Variants in FAM83A observed in about 807,000 individuals in gnomAD.
FAM83A encodes the protein protein FAM83A.
In FAM83A, 21 loss-of-function variants were observed where a neutral mutation model predicts 24.4. The ratio of observed to expected loss-of-function variants is 0.86; its 90% CI spans 0.61 to 1.24. The LOEUF is 1.24. FAM83A is among the 50% of genes most tolerant of loss of function. FAM83A has a pLI of 0.00. For synonymous variants in FAM83A, 270 were observed against 252.4 expected, an observed-to-expected ratio of 1.07 and a Z score of -0.66; for missense variants, 617 against 579.8, an observed-to-expected ratio of 1.06 and a Z score of -0.66.
intron 3 of FAM83A, among the ~76,000 whole-genome samples, chr8:123,200,513 G>A (rs1399217495): frequency 6.6e-6 from 1 of 152,174 alleles, no homozygotes; most frequent in Non-Finnish European, 1.5e-5. Context: ...ACTGGGCCAG[G>A]TGTGATCAGA....
intron 3 of FAM83A, chr8:123,202,799 G>A: frequency 6.6e-6 from 1 of 152,306 alleles, no homozygotes; most frequent in East Asian, 1.9e-4. Context: ...ACCACGCTGA[G>A]GTAAAGGATG....
chr8:123,194,105 T>C (rs918129523), exon 3 of FAM83A: 46 of 1,613,966 alleles, frequency 2.9e-5, no homozygotes, highest in Non-Finnish European at 3.8e-5. Context: ...CCGGGAGAAG[T>C]TCATCATCTC....
chr8:123,196,120 T>C (rs540492957), intron 3 of FAM83A, among the ~76,000 whole-genome samples: 5 of 152,358 alleles, frequency 3.3e-5, no homozygotes, highest in African/African-American at 1.2e-4. Flanking sequence ...CAAGTGATTC[T>C]CCTGCCTCAG....
At chr8:123,182,510 C>A (rs1346373227), upstream of FAM83A, 1 of 498,176 alleles carries the variant, frequency 2.0e-6, no homozygotes, top group South Asian at 1.6e-5. Flanking sequence ...CGAAACCCAG[C>A]AGGAAAGCCG....
chr8:123,201,688 G>A (rs1453036733), intron 3 of FAM83A: 1 of 152,188 alleles, frequency 6.6e-6, no homozygotes, highest in African/African-American at 2.4e-5. Context: ...GTTGTATATG[G>A]TTCTCCCAAA....
In FAM83A at chr8:123,191,401, G is replaced by T. The variant is rs572601048; in HGVS notation, c.481-402G>T. 3.3e-5 allele frequency among the ~76,000 whole-genome samples: 5 copies of T among 152,318 alleles called. 1 individual carries two copies. The East Asian group carries it at 9.6e-4, about 29-fold the overall frequency. On this transcript the variant is annotated intron_variant, in intron 1 of 3. Transcript: ENST00000690554. ...CAGCATTTGAAAATCAGTGGCCATA[G>T]TGTGCCCTCTAGCTCCAAGTGGCTG...
At chr8:123,186,911 T>C (rs1823818897) in intron 1 of FAM83A, among the ~76,000 whole-genome samples, 1 of 152,070 alleles carries the variant, frequency 6.6e-6, no homozygotes, top group South Asian at 2.1e-4. Flanking sequence ...GAGGGATCCT[T>C]CCCTCTGGGG....
At chr8:123,187,710 TG>T (rs1253882715) in intron 1 of FAM83A, among the ~76,000 whole-genome samples, 1 of 151,242 alleles carries the variant, frequency 6.6e-6, no homozygotes, top group Non-Finnish European at 1.5e-5. Context: ...ATTTTTAGAG[TG>T]GAAGGGGGTC....
At chr8:123,198,879 G>A (rs1362339508) in intron 3 of FAM83A, among the ~76,000 whole-genome samples, 1 of 152,128 alleles carries the variant, frequency 6.6e-6, no homozygotes, top group Non-Finnish European at 1.5e-5. Context: ...TGGAATTACA[G>A]GCGTGCACCA....
At chr8:123,198,963 C>A (rs1824254325) in intron 3 of FAM83A, among the ~76,000 whole-genome samples, 1 of 152,130 alleles carries the variant, frequency 6.6e-6, no homozygotes, top group African/African-American at 2.4e-5. Context: ...TGGTCTCGAA[C>A]TCTTGACCTC....
exon 4 of FAM83A, chr8:123,207,298 C>A (rs1484074830): frequency 6.2e-7 from 1 of 1,611,986 alleles, no homozygotes; most frequent in African/African-American, 1.3e-5. Context: ...CGCGGCTGGT[C>A]GCCCCCGTCC....
At chr8:123,181,777 C>T (rs543290994), upstream of FAM83A, 63 of 312,700 alleles carry the variant, frequency 2.0e-4, no homozygotes, top group African/African-American at 1.1e-3. Context: ...CTTCACCTGG[C>T]CTGGCTTCCT....
intron 3 of FAM83A, chr8:123,201,873 G>A (rs906580475): frequency 6.6e-6 from 1 of 152,346 alleles, no homozygotes; most frequent in Non-Finnish European, 1.5e-5. Context: ...CAGGAGCTAA[G>A]GAAGTGCTCT....
intron 3 of FAM83A, among the ~76,000 whole-genome samples, chr8:123,198,005 C>T (rs922378671): frequency 4.6e-5 from 7 of 152,168 alleles, no homozygotes; most frequent in African/African-American, 1.7e-4. Context: ...TGACAAGCAC[C>T]TGTAATCCCA....
intron 1 of FAM83A, among the ~76,000 whole-genome samples, chr8:123,185,121 T>A (rs542878077): frequency 1.3e-5 from 2 of 152,180 alleles, no homozygotes; most frequent in Non-Finnish European, 2.9e-5. Context: ...TGAGGATGCA[T>A]CCAGGCAAGC....
chr8:123,179,234 G>A (rs1823537727), upstream of FAM83A: 1 of 152,184 alleles, frequency 6.6e-6, no homozygotes, highest in African/African-American at 2.4e-5. Flanking sequence ...GTTGGGAGGT[G>A]GGGCCTAATG....
At chr8:123,184,325 C>T (rs1293751882) in intron 1 of FAM83A, among the ~76,000 whole-genome samples, 1 of 152,088 alleles carries the variant, frequency 6.6e-6, no homozygotes, top group Non-Finnish European at 1.5e-5. Flanking sequence ...AACGGGGCCA[C>T]TCCGCTGGGC....
At chr8:123,180,727 C>G (rs964085511), upstream of FAM83A, 1 of 152,212 alleles carries the variant, frequency 6.6e-6, no homozygotes. Flanking sequence ...TCTCCAGAAG[C>G]AAGAGTTGGC....
Position 123,191,874 on chromosome 8 carries a change from G to A in FAM83A, c.552G>A (p.Lys184=), listed in dbSNP as rs753464344. The A allele has an allele frequency of 3.1e-6, 5 of 1,614,076 alleles. No homozygotes were observed. In the South Asian group the frequency reaches 4.4e-5, roughly 14 times the overall value. Reference sequence around the variant, plus strand: ...GTGACATTCTAGAGGCAGCCAACAAGCGTGGGGTGTTCGTTTGTGTGCTCC... The same window carrying A: ...GTGACATTCTAGAGGCAGCCAACAAACGTGGGGTGTTCGTTTGTGTGCTCC... The change falls in exon 2 of 4, where the codon AAG becomes AAA. Residue 184 remains lysine (K), a synonymous_variant. Transcript: ENST00000690554.
Sources: allele counts gnomAD v4.1 joint callset (sites outside exome capture counted in the v4.1 genomes callset), GRCh38; gene constraint gnomAD v4.1.1; transcripts MANE v1.5; gene names NCBI Gene and HGNC (gene_info 2026-07-23, HGNC 2026-07-21).